The following CSMD3 variants were observed in gnomAD, a reference collection of about 807,000 sequenced individuals.
CSMD3 encodes CUB and Sushi multiple domains 3, also known as CUB and sushi domain-containing protein 3.
Under a neutral mutation model 435.2 loss-of-function variants are expected in CSMD3, and 177 were observed. That is an observed-to-expected ratio of 0.41 (90% CI 0.36 to 0.46). CSMD3 has a LOEUF of 0.46. Among genes scored for constraint, CSMD3 ranks in the 20% least tolerant of loss-of-function variants. The pLI is 0.34. For synonymous variants in CSMD3, 1,656 were observed against 1,520.5 expected, an observed-to-expected ratio of 1.09 and a Z score of -2.07; for missense variants, 4,265 against 4,504.6, an observed-to-expected ratio of 0.95 and a Z score of 1.52.
intron 32 of CSMD3, among the ~76,000 whole-genome samples, chr8:112,459,306 T>G (rs901939936): frequency 1.3e-5 from 2 of 148,894 alleles, no homozygotes; most frequent in Non-Finnish European, 3.0e-5. Flanking sequence ...TCACCCTTCA[T>G]GCTCACTAGC....
chr8:113,249,254 C>A (rs1171517866), intron 3 of CSMD3, among the ~76,000 whole-genome samples: 1 of 151,982 alleles, frequency 6.6e-6, no homozygotes, highest in African/African-American at 2.4e-5. Context: ...TATAAATTAC[C>A]CAGCCTTGAG....
At chr8:112,277,612 T>G (rs991745287) in intron 59 of CSMD3, among the ~76,000 whole-genome samples, 8 of 152,178 alleles carry the variant, frequency 5.3e-5, no homozygotes, top group Non-Finnish European at 1.0e-4. Context: ...AGCACCCAAC[T>G]GCCAGTACCA....
intron 6 of CSMD3, among the ~76,000 whole-genome samples, chr8:112,978,300 A>G (rs2084928039): frequency 6.6e-6 from 1 of 152,000 alleles, no homozygotes; most frequent in Non-Finnish European, 1.5e-5. Flanking sequence ...ATCATATTCC[A>G]TCAGAGTCAT....
intron 16 of CSMD3, among the ~76,000 whole-genome samples, chr8:112,681,951 G>T (rs2131781192): frequency 6.6e-6 from 1 of 151,476 alleles, no homozygotes; most frequent in African/African-American, 2.4e-5. Flanking sequence ...ATATTTAATT[G>T]GAAAAATAAA....
At chr8:112,639,738 T>C (rs2074767287) in intron 20 of CSMD3, among the ~76,000 whole-genome samples, 1 of 152,154 alleles carries the variant, frequency 6.6e-6, no homozygotes, top group African/African-American at 2.4e-5. Flanking sequence ...AATTTCTCAA[T>C]ATCATTGTGC....
At chr8:113,285,350 C>T (rs1416945817) in intron 2 of CSMD3, among the ~76,000 whole-genome samples, 1 of 91,438 alleles carries the variant, frequency 1.1e-5, no homozygotes, top group African/African-American at 7.0e-5. Flanking sequence ...AGCTCCACCT[C>T]CCGGGTTCAC....
intron 1 of CSMD3, among the ~76,000 whole-genome samples, chr8:113,368,799 A>C (rs1230118549): frequency 6.6e-6 from 1 of 152,144 alleles, no homozygotes; most frequent in Non-Finnish European, 1.5e-5. Context: ...TGCACACCAT[A>C]TCTAAATTCA....
intron 1 of CSMD3, among the ~76,000 whole-genome samples, chr8:113,431,460 T>C (rs1199092668): frequency 1.3e-5 from 2 of 152,226 alleles, no homozygotes; most frequent in Admixed American, 6.5e-5. Flanking sequence ...AAGTACAAGA[T>C]GGCGTATTTT....
intron 5 of CSMD3, among the ~76,000 whole-genome samples, chr8:113,086,055 G>T (rs188204874): frequency 6.6e-6 from 1 of 152,014 alleles, no homozygotes; most frequent in African/African-American, 2.4e-5. Context: ...GGCTAACATG[G>T]TGAAACCCCA....
intron 22 of CSMD3, among the ~76,000 whole-genome samples, chr8:112,590,499 T>C (rs992752052): frequency 2.0e-5 from 3 of 152,110 alleles, no homozygotes; most frequent in African/African-American, 7.2e-5. Context: ...AGACCTGATA[T>C]GAAAAAGCTT....
At chr8:112,741,369 T>A (rs1287834285) in intron 13 of CSMD3, among the ~76,000 whole-genome samples, 1 of 151,950 alleles carries the variant, frequency 6.6e-6, no homozygotes, top group Admixed American at 6.6e-5. Context: ...GCATCACTAA[T>A]CATCAGGGAA....
intron 12 of CSMD3, among the ~76,000 whole-genome samples, chr8:112,818,040 A>T (rs1462827593): frequency 6.7e-6 from 1 of 148,884 alleles, no homozygotes; most frequent in Non-Finnish European, 1.5e-5. Context: ...TTTGTAACTG[A>T]TTTTTTTTTT....
At chr8:113,257,777 C>G (rs755584810) in intron 3 of CSMD3, among the ~76,000 whole-genome samples, 3 of 152,178 alleles carry the variant, frequency 2.0e-5, no homozygotes, top group Non-Finnish European at 2.9e-5. Context: ...GCATCTCACA[C>G]TGTATCAAGT....
At chr8:113,090,251 G>A (rs1041377325) in intron 5 of CSMD3, among the ~76,000 whole-genome samples, 1 of 152,008 alleles carries the variant, frequency 6.6e-6, no homozygotes, top group Admixed American at 6.6e-5. Flanking sequence ...AGATGCTAAT[G>A]GAGGGGAGTT....
chr8:112,639,585 A>T (rs1487378152), intron 20 of CSMD3, among the ~76,000 whole-genome samples: 2 of 152,130 alleles, frequency 1.3e-5, no homozygotes, highest in Non-Finnish European at 2.9e-5. Flanking sequence ...CTGTCATTTC[A>T]GTTTTCCAGA....
chr8:113,339,143 G>A (rs1467720061), intron 1 of CSMD3, among the ~76,000 whole-genome samples: 1 of 151,780 alleles, frequency 6.6e-6, no homozygotes, highest in Non-Finnish European at 1.5e-5. Context: ...GATTAAGCAT[G>A]TTAACAACTT....
chr8:112,331,659 A>C (rs1458789577), intron 45 of CSMD3, among the ~76,000 whole-genome samples: 1 of 152,014 alleles, frequency 6.6e-6, no homozygotes, highest in Non-Finnish European at 1.5e-5. Context: ...AAAAATATTG[A>C]ACTGTCAACC....
At chr8:112,942,833 T>C (rs1460302083) in intron 9 of CSMD3, among the ~76,000 whole-genome samples, 3 of 151,772 alleles carry the variant, frequency 2.0e-5, no homozygotes, top group Non-Finnish European at 4.4e-5. Context: ...AATTTACCTA[T>C]GTAACAACCT....
At chr8:113,258,243 T>A (rs1563616521) in intron 3 of CSMD3, among the ~76,000 whole-genome samples, 3 of 152,216 alleles carry the variant, frequency 2.0e-5, no homozygotes, top group Non-Finnish European at 4.4e-5. Flanking sequence ...CATTAATAGA[T>A]AGACAGGACT....
Sources: gnomAD v4.1 joint callset for allele counts (sites outside exome capture counted in the v4.1 genomes callset) on GRCh38, gnomAD v4.1.1 for gene constraint, MANE v1.5 for transcripts, NCBI Gene and HGNC (gene_info 2026-07-23, HGNC 2026-07-21) for gene names.